Variants in NHSL2 observed in about 807,000 individuals in gnomAD.
NHSL2 encodes NHS-like protein 2.
A neutral mutation model predicts 53.4 loss-of-function variants in NHSL2; 27 were observed. The observed-to-expected ratio is 0.51, with a 90% confidence interval of 0.37 to 0.70. NHSL2 has a LOEUF of 0.70. Among genes scored for constraint, NHSL2 ranks in the 30% least tolerant of loss-of-function variants. The pLI, the probability that NHSL2 is intolerant of heterozygous loss-of-function variation, is 0.00. For missense variants in NHSL2, 892 were observed against 980.1 expected, an observed-to-expected ratio of 0.91 and a Z score of 1.20; for synonymous variants, 408 against 404.1, an observed-to-expected ratio of 1.01 and a Z score of -0.12.
intron 1 of NHSL2, among the ~76,000 whole-genome samples, chrX:71,916,019 C>G (rs981720146): frequency 8.9e-6 from 1 of 111,793 alleles, no homozygotes; most frequent in Non-Finnish European, 1.9e-5. Context: ...CTTGTTAAAG[C>G]AAAACATAGT....
chrX:72,007,760 C>T (rs765204495), intron 1 of NHSL2, among the ~76,000 whole-genome samples: 1 of 113,374 alleles, frequency 8.8e-6, no homozygotes, highest in Non-Finnish European at 1.9e-5. Flanking sequence ...TCCCAGATTC[C>T]AATGAAGGTC....
intron 1 of NHSL2, among the ~76,000 whole-genome samples, chrX:72,069,103 A>G (rs953235337): frequency 8.9e-6 from 1 of 112,334 alleles, no homozygotes; most frequent in Non-Finnish European, 1.9e-5. Flanking sequence ...AGACCCTGTC[A>G]CACTCCTGGA....
intron 1 of NHSL2, among the ~76,000 whole-genome samples, chrX:72,065,737 T>C (rs752626414): frequency 8.9e-6 from 1 of 112,320 alleles, no homozygotes; most frequent in South Asian, 3.7e-4. Flanking sequence ...GGAGGTTAAG[T>C]AAGTTGTACA....
intron 1 of NHSL2, among the ~76,000 whole-genome samples, chrX:71,995,440 A>G (rs1038583366): frequency 9.4e-6 from 1 of 106,005 alleles, no homozygotes; most frequent in African/African-American, 3.4e-5. Flanking sequence ...ACTCTATCTG[A>G]CCCCCTGACC....
chrX:71,911,407 C>A, intron 1 of NHSL2, 40 bp downstream of exon 1: 2 of 1,022,192 alleles, frequency 2.0e-6, no homozygotes, highest in Non-Finnish European at 1.2e-6. Context: ...CCCGCGTCTA[C>A]CCCGCCTCTA....
chrX:72,064,605 G>A, intron 1 of NHSL2, among the ~76,000 whole-genome samples: 1 of 112,182 alleles, frequency 8.9e-6, no homozygotes, highest in Non-Finnish European at 1.9e-5. Context: ...GCACTTCCCT[G>A]TCCACCCACT....
chrX:72,029,014 G>A (rs757613941), intron 1 of NHSL2, among the ~76,000 whole-genome samples: 5 of 112,241 alleles, frequency 4.5e-5, no homozygotes, highest in Non-Finnish European at 9.4e-5. Context: ...GGAAGGGATA[G>A]GGTTGGGAAT....
At chrX:72,044,816 C>A (rs951564147) in intron 1 of NHSL2, 11 of 1,114,074 alleles carry the variant, frequency 9.9e-6, no homozygotes, top group Middle Eastern at 3.4e-4. Flanking sequence ...TCTCGTGAAG[C>A]CTGCAAGGAC....
At chrX:72,018,298 C>T (rs1198995935) in intron 1 of NHSL2, among the ~76,000 whole-genome samples, 2 of 111,440 alleles carry the variant, frequency 1.8e-5, no homozygotes, top group African/African-American at 3.3e-5. Context: ...TAATCTAGGC[C>T]CTCCCCTGCT....
At chrX:72,012,994 T>G (rs986028448) in intron 1 of NHSL2, among the ~76,000 whole-genome samples, 6 of 112,610 alleles carry the variant, frequency 5.3e-5, no homozygotes, top group African/African-American at 1.9e-4. Flanking sequence ...TTATTCTCCC[T>G]TTTCAAAATT....
chrX:72,052,494 G>A (rs1356677511), intron 1 of NHSL2, among the ~76,000 whole-genome samples: 2 of 112,518 alleles, frequency 1.8e-5, no homozygotes, highest in South Asian at 7.3e-4. Context: ...GAGTTGCCTG[G>A]GAGGCCACAT....
At chrX:72,112,349 T>C (rs768100772) in intron 1 of NHSL2, among the ~76,000 whole-genome samples, 5 of 111,947 alleles carry the variant, frequency 4.5e-5, no homozygotes, top group Non-Finnish European at 9.4e-5. Context: ...TCTTGAGATA[T>C]AACTCACATA....
At chrX:72,095,085 C>G in intron 1 of NHSL2, among the ~76,000 whole-genome samples, 1 of 112,074 alleles carries the variant, frequency 8.9e-6, no homozygotes, top group East Asian at 2.8e-4. Context: ...TGCTTGGCCC[C>G]TGTTGCCATG....
chrX:72,055,745 G>A (rs926310309), intron 1 of NHSL2, among the ~76,000 whole-genome samples: 1 of 111,898 alleles, frequency 8.9e-6, no homozygotes, highest in Non-Finnish European at 1.9e-5. Context: ...CAAAAAGGGA[G>A]GTATGATCAG....
chrX:72,134,446 C>G, intron 3 of NHSL2, 63 bp from the exon 4 acceptor site: 1 of 991,864 alleles, frequency 1.0e-6, no homozygotes, highest in Non-Finnish European at 1.4e-6. Flanking sequence ...AACAGCCACC[C>G]TATGGGCACT....
At chrX:72,051,982 C>T (rs2042343062) in intron 1 of NHSL2, among the ~76,000 whole-genome samples, 1 of 112,426 alleles carries the variant, frequency 8.9e-6, no homozygotes. Context: ...CTTTATATAG[C>T]ATTTATTTCT....
intron 1 of NHSL2, among the ~76,000 whole-genome samples, chrX:72,090,191 G>A (rs1235159394): frequency 9.0e-6 from 1 of 110,756 alleles, no homozygotes; most frequent in East Asian, 2.8e-4. Flanking sequence ...AGCCTCCCAA[G>A]TAGCTGGGAC....
intron 1 of NHSL2, among the ~76,000 whole-genome samples, chrX:71,985,769 T>C (rs2042000430): frequency 8.9e-6 from 1 of 112,529 alleles, no homozygotes; most frequent in Admixed American, 9.4e-5. Flanking sequence ...TCATGAACAT[T>C]TCAGCTTTCC....
At chrX:71,961,793 C>T (rs759681031) in intron 1 of NHSL2, among the ~76,000 whole-genome samples, 88 of 111,459 alleles carry the variant, frequency 7.9e-4, no homozygotes, top group South Asian at 5.3e-3. Flanking sequence ...CTCTGCCTCC[C>T]GAGTAGCTGA....
Sources: gnomAD v4.1 joint callset for allele counts (sites outside exome capture counted in the v4.1 genomes callset) on GRCh38, gnomAD v4.1.1 for gene constraint, MANE v1.5 for transcripts, NCBI Gene and HGNC (gene_info 2026-07-23, HGNC 2026-07-21) for gene names.